SEC24B: variants seen among roughly 807,000 people sequenced by gnomAD.
SEC24B encodes the protein protein transport protein Sec24B.
Under a neutral mutation model 142.8 loss-of-function variants are expected in SEC24B, and 45 were observed. That is an observed-to-expected ratio of 0.32 (90% CI 0.25 to 0.40). SEC24B has a LOEUF of 0.40. SEC24B is among the 10% of genes least tolerant of loss of function. The pLI, the probability that SEC24B is intolerant of heterozygous loss-of-function variation, is 1.00. For missense variants in SEC24B, 1,409 were observed against 1,526.8 expected (o/e 0.92, Z 1.29); for synonymous variants, 574 against 568.2 (o/e 1.01, Z -0.15).
intron 3 of SEC24B, among the ~76,000 whole-genome samples, chr4:109,474,940 T>C (rs1166875050): frequency 6.6e-6 from 1 of 152,248 alleles, no homozygotes; most frequent in Admixed American, 6.5e-5. Context: ...ATATTAATCT[T>C]ATGACATAGA....
intron 18 of SEC24B, among the ~76,000 whole-genome samples, chr4:109,529,144 CAG>C (rs1186310664): frequency 1.3e-5 from 2 of 150,728 alleles, no homozygotes; most frequent in Non-Finnish European, 3.0e-5. Context: ...GCCTGGGAAA[CAG>C]AGGGAGACTC....
intron 1 of SEC24B, 62 bp from the exon 2 acceptor site, chr4:109,462,838 TG>T: frequency 1.6e-6 from 2 of 1,249,676 alleles, no homozygotes; most frequent in South Asian, 1.4e-5. Flanking sequence ...AATATTTAAA[TG>T]GGGGCTATTT....
intron 3 of SEC24B, among the ~76,000 whole-genome samples, chr4:109,474,609 G>A (rs1190447481): frequency 6.6e-6 from 1 of 151,960 alleles, no homozygotes; most frequent in Non-Finnish European, 1.5e-5. Flanking sequence ...ATTTTTGGTG[G>A]AGATGGGGTT....
At chr4:109,445,843 A>G (rs1204711933) in intron 1 of SEC24B, among the ~76,000 whole-genome samples, 1 of 152,020 alleles carries the variant, frequency 6.6e-6, no homozygotes, top group Non-Finnish European at 1.5e-5. Flanking sequence ...AAGTGCTGGG[A>G]TCACAGGTGT....
At chr4:109,471,827 C>T (rs973231162) in intron 2 of SEC24B, among the ~76,000 whole-genome samples, 1 of 152,040 alleles carries the variant, frequency 6.6e-6, no homozygotes, top group Non-Finnish European at 1.5e-5. Context: ...CAGTGTCCCT[C>T]GAGACTTGAG....
intron 10 of SEC24B, 37 bp downstream of exon 10, chr4:109,513,893 A>G (rs570356434): frequency 1.8e-5 from 23 of 1,276,438 alleles, no homozygotes; most frequent in South Asian, 1.4e-4. Flanking sequence ...ATGGAACACA[A>G]TTACATTGGT....
At chr4:109,521,749 TGA>T (rs1723639291) in intron 14 of SEC24B, 123 bp downstream of exon 14, 1 of 782,828 alleles carries the variant, frequency 1.3e-6, no homozygotes, top group African/African-American at 1.8e-5. Context: ...GTTTCTTTTT[TGA>T]GACGTGGTCT....
intron 2 of SEC24B, among the ~76,000 whole-genome samples, chr4:109,471,480 CT>C (rs1430247789): frequency 1.3e-5 from 2 of 152,140 alleles, no homozygotes; most frequent in African/African-American, 4.8e-5. Context: ...TCAGTTTTTA[CT>C]TGGATACTGT....
At chr4:109,436,992 C>T (rs1177023239) in intron 1 of SEC24B, among the ~76,000 whole-genome samples, 2 of 152,110 alleles carry the variant, frequency 1.3e-5, no homozygotes, top group Non-Finnish European at 2.9e-5. Flanking sequence ...GTAATTGAAC[C>T]TAAGGAGGGG....
chr4:109,526,245 T>C lies in SEC24B; in HGVS notation c.2811T>C (p.Phe937=). The C allele has an allele frequency of 6.2e-7, 1 of 1,613,980 alleles. No homozygotes were observed. The change falls in exon 17 of 24, where the codon TTT becomes TTC. Residue 937 remains phenylalanine (F), a synonymous_variant. Transcript: ENST00000265175. ...RCTKGLSMHT[F]HGNFFVRSTD... ...TTTTAGGTCTTTCAATGCACACTTT[T>C]CACGGTAACTTCTTTGTCCGTTCTA...
chr4:109,515,593 T>C (rs1722759712), intron 10 of SEC24B, among the ~76,000 whole-genome samples: 1 of 152,066 alleles, frequency 6.6e-6, no homozygotes, highest in Non-Finnish European at 1.5e-5. Context: ...TTCCCAAAAG[T>C]GCTGGGATTA....
intron 14 of SEC24B, among the ~76,000 whole-genome samples, chr4:109,523,790 T>C (rs1405638492): frequency 6.6e-6 from 1 of 152,310 alleles, no homozygotes; most frequent in Admixed American, 6.5e-5. Flanking sequence ...CTTTAAGTTA[T>C]TAAATAAAGA....
At chr4:109,533,438 G>T (rs537724664) in intron 21 of SEC24B, among the ~76,000 whole-genome samples, 155 bp from the exon 22 acceptor site, 16 of 152,112 alleles carry the variant, frequency 1.1e-4, no homozygotes, top group Non-Finnish European at 1.5e-4. Context: ...AACCACTCTG[G>T]ATTCTTACAT....
At chr4:109,449,006 C>G (rs1729771807) in intron 1 of SEC24B, among the ~76,000 whole-genome samples, 1 of 151,466 alleles carries the variant, frequency 6.6e-6, no homozygotes, top group Admixed American at 6.6e-5. Flanking sequence ...CAGTTCCTCA[C>G]TTTGAGTTTG....
intron 6 of SEC24B, among the ~76,000 whole-genome samples, chr4:109,505,575 A>G (rs1370284841): frequency 6.6e-6 from 1 of 152,152 alleles, no homozygotes; most frequent in African/African-American, 2.4e-5. Context: ...TGTATTTTCC[A>G]TCTTTACCTG....
intron 1 of SEC24B, among the ~76,000 whole-genome samples, chr4:109,456,338 T>TTTTG (rs1159919564): frequency 7.4e-5 from 11 of 149,372 alleles, no homozygotes; most frequent in African/African-American, 2.2e-4. Flanking sequence ...TTTTTTGTTT[T>TTTTG]TTTTTTTTTT....
At chr4:109,536,940 A>G (rs1443515480) in intron 22 of SEC24B, among the ~76,000 whole-genome samples, 1 of 151,490 alleles carries the variant, frequency 6.6e-6, no homozygotes, top group Non-Finnish European at 1.5e-5. Flanking sequence ...TTTGGTAACA[A>G]TAAATAAATA....
At chr4:109,534,299 A>C (rs868040922) in intron 22 of SEC24B, among the ~76,000 whole-genome samples, 24 of 151,840 alleles carry the variant, frequency 1.6e-4, no homozygotes, top group African/African-American at 5.8e-4. Context: ...TTATACTATT[A>C]AAATGGGCCA....
chr4:109,443,919 A>G (rs1729174431), intron 1 of SEC24B, among the ~76,000 whole-genome samples: 1 of 152,138 alleles, frequency 6.6e-6, no homozygotes, highest in Admixed American at 6.5e-5. Context: ...CAAGGGAGAG[A>G]GAGTAATGAA....
Sources: allele counts gnomAD v4.1 joint callset (sites outside exome capture counted in the v4.1 genomes callset), GRCh38; gene constraint gnomAD v4.1.1; transcripts MANE v1.5; gene names NCBI Gene and HGNC (gene_info 2026-07-23, HGNC 2026-07-21).